The following ANK3 variants were observed in gnomAD, a reference collection of about 807,000 sequenced individuals.
ANK3 encodes ankyrin-3.
ANK3 carries 57 observed loss-of-function variants against 370.9 expected under a neutral mutation model. The observed-to-expected ratio is 0.15, with a 90% CI of 0.12 to 0.19. ANK3 has a LOEUF of 0.19. Ranked by LOEUF, ANK3 falls within the 10% of genes least tolerant of loss-of-function variation. ANK3 has a pLI of 1.00. For synonymous variants in ANK3, 1,929 were observed against 1,946.3 expected, an observed-to-expected ratio of 0.99 and a Z score of 0.23; for missense variants, 4,439 against 5,302.1, an observed-to-expected ratio of 0.84 and a Z score of 5.06.
chr10:60,558,299 T>G (rs1472250862), intron 2 of ANK3, among the ~76,000 whole-genome samples: 2 of 152,216 alleles, frequency 1.3e-5, no homozygotes, highest in Non-Finnish European at 2.9e-5. Context: ...GTATATTGTC[T>G]TAAAATACAA....
intron 2 of ANK3, among the ~76,000 whole-genome samples, chr10:60,397,474 T>C (rs181906305): frequency 9.8e-5 from 15 of 152,286 alleles, no homozygotes; most frequent in Admixed American, 2.0e-4. Context: ...TGTGTTTCAA[T>C]AAGCAATGTC....
intron 1 of ANK3, among the ~76,000 whole-genome samples, chr10:60,350,989 T>C (rs149731554): frequency 6.6e-6 from 1 of 152,332 alleles, no homozygotes; most frequent in East Asian, 1.9e-4. Flanking sequence ...CTAAGCCGAC[T>C]TTTATAAAAC....
At chr10:60,181,096 T>G (rs577011403) in intron 18 of ANK3, among the ~76,000 whole-genome samples, 1 of 152,110 alleles carries the variant, frequency 6.6e-6, no homozygotes, top group Non-Finnish European at 1.5e-5. Flanking sequence ...AGTGTTAATA[T>G]AGGGGGAAAT....
In ANK3 at chr10:60,196,625, T is replaced by C; in HGVS notation, c.1690A>G (p.Lys564Glu). The change falls in exon 15 of 44, where the codon AAA becomes GAA. Residue 564 changes from lysine (K) to glutamate (E), a missense_variant and splice_region_variant. By Grantham distance (56) the Lys-to-Glu change is moderately conservative. This residue lies in a region of ANK3 where 192 missense variants were observed against 192.1 expected (regional missense o/e 1.00). Transcript: ENST00000280772. ...HGASLSITTK[K>E]GFTPLHVAAK... ...GCCACATGAAGAGGAGTAAATCCTT[T>C]CTGAAAAAAAAAAAACATAAAAATA... The C allele has an allele frequency of 1.3e-6, 2 of 1,555,214 alleles. No individual in the cohort carries two copies. The highest frequency in any genetic ancestry group is 1.7e-6 in the Non-Finnish European group (2 of 1,152,022).
intron 2 of ANK3, among the ~76,000 whole-genome samples, chr10:60,593,809 A>G (rs1474118368): frequency 6.6e-6 from 1 of 152,154 alleles, no homozygotes; most frequent in African/African-American, 2.4e-5. Flanking sequence ...TTCTGCTGAC[A>G]AAAAAAGCTA....
intron 1 of ANK3, among the ~76,000 whole-genome samples, chr10:60,378,383 T>C (rs574694847): frequency 1.3e-5 from 2 of 152,162 alleles, no homozygotes; most frequent in Non-Finnish European, 2.9e-5. Context: ...TAAAAGGTGC[T>C]GGCAAATGTG....
intron 1 of ANK3, among the ~76,000 whole-genome samples, chr10:60,305,033 G>T (rs1212021871): frequency 6.6e-6 from 1 of 152,134 alleles, no homozygotes. Context: ...CACAGTGGGT[G>T]GGGGAGATAG....
chr10:60,630,641 A>G (rs2078469162), intron 1 of ANK3, among the ~76,000 whole-genome samples: 1 of 152,138 alleles, frequency 6.6e-6, no homozygotes, highest in African/African-American at 2.4e-5. Flanking sequence ...AACTTTCAGG[A>G]TAAGGAGCCA....
intron 2 of ANK3, among the ~76,000 whole-genome samples, chr10:60,552,916 T>C (rs761135460): frequency 6.6e-6 from 1 of 152,202 alleles, no homozygotes; most frequent in Non-Finnish European, 1.5e-5. Flanking sequence ...GGAGTTTCTC[T>C]GCACAAGCTC....
At chr10:60,337,304 T>C (rs1226448635) in intron 1 of ANK3, among the ~76,000 whole-genome samples, 1 of 152,170 alleles carries the variant, frequency 6.6e-6, no homozygotes, top group Admixed American at 6.5e-5. Context: ...GTCTTCCATG[T>C]AGTTTTTTCT....
Position 60,071,324 on chromosome 10 carries a change from G to C in ANK3, c.9557C>G (p.Pro3186Arg), listed in dbSNP as rs769841771. The C allele has an allele frequency of 1.2e-6, 2 of 1,613,936 alleles. No homozygotes were observed. Among genetic ancestry groups the C allele is most frequent in the Non-Finnish European group, 1.7e-6 (2 of 1,180,014 alleles). ...TGGTATATAAGCTATGAGCGAGTCAGGTGTCTTAGATGTAAATTCATAACT... is the reference window on the plus strand; with the variant it reads ...TGGTATATAAGCTATGAGCGAGTCACGTGTCTTAGATGTAAATTCATAACT... Reference protein sequence around the residue: ...EVSYEFTSKTPDSLIAYIPGK... With the variant: ...EVSYEFTSKTRDSLIAYIPGK... Residue 3186 changes from proline to arginine, a missense_variant, in exon 37 of 44, where the codon CCT (proline) becomes CGT (arginine). Pro to Arg is a moderately radical substitution (Grantham distance 103, BLOSUM62 -2). Transcript: ENST00000280772.
chr10:60,502,767 A>AAAAG (rs200938971), intron 2 of ANK3, among the ~76,000 whole-genome samples: 2,224 of 150,830 alleles, frequency 0.015, 28 homozygotes, highest in African/African-American at 0.034. Flanking sequence ...AGAGAAAGAA[A>AAAAG]AAAGAAAGAA....
At chr10:60,501,432 C>T (rs1047175977) in intron 2 of ANK3, among the ~76,000 whole-genome samples, 8 of 152,144 alleles carry the variant, frequency 5.3e-5, no homozygotes, top group African/African-American at 1.9e-4. Flanking sequence ...TGGCCGGGTG[C>T]AGCGGCTCAC....
chr10:60,140,301 C>G (rs1380150659), intron 23 of ANK3: 1 of 1,578,998 alleles, frequency 6.3e-7, no homozygotes, highest in Admixed American at 1.7e-5. Context: ...TGCACATTCA[C>G]TGCATCTCAA....
chr10:60,330,557 A>G (rs1403290403), intron 1 of ANK3, among the ~76,000 whole-genome samples: 1 of 152,248 alleles, frequency 6.6e-6, no homozygotes, highest in Non-Finnish European at 1.5e-5. Context: ...AATGCAAATC[A>G]AAACCACAAT....
Position 60,076,381 on chromosome 10 carries a change from T to C in ANK3, c.4500A>G (p.Thr1500=). 6.2e-7 allele frequency: 1 copy of C among 1,614,032 alleles called. No homozygotes were observed. The highest frequency in any genetic ancestry group is 1.3e-5 in the African/African-American group (1 of 75,036). Residue 1500 remains threonine, a synonymous_variant, in exon 37 of 44, where the codon ACA becomes ACG. Transcript: ENST00000280772. ...TTYSYKPFFS[T]RPYQSWTTAP... is the part of the protein sequence containing the mutation. ...CTGTTGTCCAGGACTGGTATGGTCT[T>C]GTAGAAAAGAATGGCTTGTATGAGT...
rs188262486 is a variant in ANK3 at position 60,722,755 on chromosome 10, A to T, written c.57+10508T>A. 3.0e-4 allele frequency among the ~76,000 whole-genome samples: 46 copies of T among 152,274 alleles called. No individual in the cohort carries two copies. The Middle Eastern group carries it at 0.014, about 45-fold the overall frequency. ...CTTGGTGATGAGTGAGATCTCACTC[A>T]GTGAGTTCATGGGAGATCTGGTTGT... On this transcript the variant is annotated intron_variant, in intron 1 of 43. Transcript: ENST00000373827.
intron 1 of ANK3, among the ~76,000 whole-genome samples, chr10:60,376,811 T>C (rs1348961821): frequency 6.6e-6 from 1 of 152,214 alleles, no homozygotes; most frequent in Non-Finnish European, 1.5e-5. Flanking sequence ...AATTCTATAA[T>C]AATGAAGACA....
Position 60,697,002 on chromosome 10 carries a change from C to T in ANK3, c.57+36261G>A, listed in dbSNP as rs1043254479. Among the ~76,000 whole-genome samples the T allele has an allele frequency of 2.1e-5, 3 of 142,694 alleles. No homozygotes were observed. The Admixed American group carries it at 2.1e-4, about 10-fold the overall frequency. 93.6% of individuals were successfully genotyped at this position (142,694 alleles called of 152,430 possible). ...ACGACATGATTGTTTATCTAGAAAA[C>T]CCCATTGTCTCAGCCCAAAATCTCC... On this transcript the variant is annotated intron_variant, in intron 1 of 43. Coordinates refer to the ANK3 transcript ENST00000373827.
Sources: allele counts gnomAD v4.1 joint callset (sites outside exome capture counted in the v4.1 genomes callset), GRCh38; gene constraint gnomAD v4.1.1; regional missense constraint gnomAD v4.1.1; transcripts MANE v1.5; gene names NCBI Gene and HGNC (gene_info 2026-07-23, HGNC 2026-07-21).